The following HRH2 variants were observed in gnomAD, a reference collection of about 807,000 sequenced individuals.
HRH2 encodes histamine H2 receptor.
Under a neutral mutation model 20.1 loss-of-function variants are expected in HRH2, and 4 were observed. The observed-to-expected ratio is 0.20, with a 90% CI of 0.10 to 0.45. HRH2 has a LOEUF of 0.45. Among genes scored for constraint, HRH2 ranks in the 20% least tolerant of loss-of-function variants. The pLI, the probability that HRH2 is intolerant of heterozygous loss-of-function variation, is 0.99. For synonymous variants in HRH2, 197 were observed against 200.7 expected (o/e 0.98, Z 0.16); for missense variants, 250 against 461.6 (o/e 0.54, Z 4.20).
At position 175,686,533 on chromosome 5, in the gene HRH2, C is replaced by A. The variant is rs1168951462; in HGVS notation, c.1076+2224C>A. Reference sequence around the variant, plus strand: ...TAGAGCATCTTCCACCCTGTGCCACCCTCGGCCACCTGCAATTGCTCATGG... The same window carrying A: ...TAGAGCATCTTCCACCCTGTGCCACACTCGGCCACCTGCAATTGCTCATGG... On this transcript the variant is annotated intron_variant, in intron 2 of 2. Transcript: ENST00000636584. The surrounding 1 kb of genome is among the most constrained non-coding windows in gnomAD (Gnocchi z 4.7). Among the ~76,000 whole-genome samples, 1 of 152,198 alleles carries A rather than the reference C, an allele frequency of 6.6e-6. No individual in the cohort carries two copies. Among genetic ancestry groups the A allele is most frequent in the Non-Finnish European group, 1.5e-5 (1 of 68,028 alleles).
intron 1 of HRH2, among the ~76,000 whole-genome samples, chr5:175,668,853 G>A (rs1454419752): frequency 1.3e-5 from 2 of 152,154 alleles, no homozygotes; most frequent in Non-Finnish European, 2.9e-5. Context: ...GGAGAAGCAG[G>A]GGAGAGGGGA....
chr5:175,673,744 C>A (rs1489895166), intron 1 of HRH2, among the ~76,000 whole-genome samples: 1 of 149,454 alleles, frequency 6.7e-6, no homozygotes, highest in Non-Finnish European at 1.5e-5. Flanking sequence ...CGCTGTATCA[C>A]CCAGGCTGGA....
At chr5:175,688,613 C>T (rs1756258325) in intron 2 of HRH2, among the ~76,000 whole-genome samples, 1 of 152,254 alleles carries the variant, frequency 6.6e-6, no homozygotes, top group African/African-American at 2.4e-5. Context: ...GGCCGCCAGC[C>T]TTAATGAGTG....
At chr5:175,699,562 G>T (rs1756725004) in intron 2 of HRH2, among the ~76,000 whole-genome samples, 1 of 151,904 alleles carries the variant, frequency 6.6e-6, no homozygotes, top group African/African-American at 2.4e-5. Flanking sequence ...TCTGCTGTCG[G>T]TTGTTTTTGT....
intron 2 of HRH2, among the ~76,000 whole-genome samples, chr5:175,690,716 C>G (rs1756340817): frequency 6.6e-6 from 1 of 152,028 alleles, no homozygotes; most frequent in Non-Finnish European, 1.5e-5. Flanking sequence ...TTTCATCGCC[C>G]CCCAAAAGAA....
intron 1 of HRH2, among the ~76,000 whole-genome samples, chr5:175,674,473 T>TG (rs908643112): frequency 9.9e-5 from 15 of 152,132 alleles, no homozygotes; most frequent in African/African-American, 3.4e-4. Flanking sequence ...GCCTAGGGGA[T>TG]GACACTCATC....
At chr5:175,672,990 G>A (rs2517949) in intron 1 of HRH2, among the ~76,000 whole-genome samples, 33,072 of 151,974 alleles carry the variant, frequency 0.22, 4,902 homozygotes, top group Non-Finnish European at 0.33. Context: ...CACCCACTGA[G>A]GCCTCGGGTG....
intron 2 of HRH2, 135 bp from the exon 3 acceptor site, chr5:175,707,644 T>TCCCCCCCCCAGCC: frequency 6.6e-6 from 1 of 150,942 alleles, no homozygotes. Flanking sequence ...AAAGGGCGGT[T>TCCCCCCCCCAGCC]CCCCTCCCCT....
chr5:175,664,660 T>A (rs1762835151), intron 1 of HRH2, among the ~76,000 whole-genome samples: 1 of 151,298 alleles, frequency 6.6e-6, no homozygotes, highest in Non-Finnish European at 1.5e-5. Context: ...ACGGCAGGAT[T>A]TTTTTTTTCT....
chr5:175,704,986 G>T (rs1398450270), intron 2 of HRH2, among the ~76,000 whole-genome samples: 1 of 151,738 alleles, frequency 6.6e-6, no homozygotes, highest in Non-Finnish European at 1.5e-5. Flanking sequence ...ATAGAGAATT[G>T]GACTCCATAT....
At chr5:175,685,679 A>C (rs1022801650) in intron 2 of HRH2, 2 of 621,204 alleles carry the variant, frequency 3.2e-6, no homozygotes, top group Non-Finnish European at 5.8e-6. Context: ...TCCTCATCGC[A>C]TAGAGAGTTG....
At position 175,687,088 on chromosome 5, in the gene HRH2, G is replaced by A. The variant is rs1404789321; in HGVS notation, c.1076+2779G>A. On this transcript the variant is annotated intron_variant, in intron 2 of 2. Coordinates refer to ENST00000636584, the MANE Select transcript of HRH2 (RefSeq NM_001367711.1). This position sits in a 1 kb window ranked among gnomAD's most constrained non-coding sequence, Gnocchi z 5.2. ...CAGAGCCCATGCTCCTGGAGATCACGGCTATGGTCTGTCCTCCAGCCCCCA... is the reference window on the plus strand; with the variant it reads ...CAGAGCCCATGCTCCTGGAGATCACAGCTATGGTCTGTCCTCCAGCCCCCA... 1.3e-5 allele frequency among the ~76,000 whole-genome samples: 2 copies of A among 152,170 alleles called. No individual in the cohort carries two copies. Among genetic ancestry groups the A allele is most frequent in the Non-Finnish European group, 2.9e-5 (2 of 68,030 alleles).
intron 1 of HRH2, among the ~76,000 whole-genome samples, chr5:175,663,476 G>T (rs1407559200): frequency 1.3e-5 from 2 of 152,188 alleles, no homozygotes; most frequent in African/African-American, 2.4e-5. Context: ...TGTCTATTCA[G>T]ATCAGAGTCA....
At chr5:175,689,274 C>T (rs951174447) in intron 2 of HRH2, among the ~76,000 whole-genome samples, 2 of 151,946 alleles carry the variant, frequency 1.3e-5, no homozygotes, top group Non-Finnish European at 2.9e-5. Context: ...CCCCCCTCAG[C>T]CCACATGGTG....
chr5:175,667,662 T>C (rs570988237), intron 1 of HRH2, among the ~76,000 whole-genome samples: 6 of 152,152 alleles, frequency 3.9e-5, no homozygotes, highest in African/African-American at 7.2e-5. Flanking sequence ...AATCCTGCTA[T>C]TTTTTGACTT....
chr5:175,682,805 G>A lies in HRH2; in HGVS notation c.-429G>A, dbSNP rs544292719. ...ACCAGCTATGGAGAGGGATACAGCT[G>A]CGTCTCCACATGACCCATCCTGCAT... is the stretch of plus-strand genomic sequence containing the variant. On this transcript the variant is annotated 5_prime_UTR_variant, in exon 2 of 3. Transcript: ENST00000636584. The A allele has an allele frequency of 5.7e-6, 1 of 176,966 alleles. No homozygotes were observed. Among genetic ancestry groups the A allele is most frequent in the African/African-American group, 2.4e-5 (1 of 41,970 alleles). The allele number at this position is 176,966 out of a possible 1,614,324, so 11.0% of individuals were successfully genotyped here. A position where few individuals can be genotyped will look rare whatever the true frequency, so the allele number is the denominator to read the frequency against.
intron 1 of HRH2, among the ~76,000 whole-genome samples, chr5:175,662,009 G>A (rs1762751443): frequency 6.6e-6 from 1 of 151,152 alleles, no homozygotes; most frequent in African/African-American, 2.5e-5. Flanking sequence ...GTGACAGTGA[G>A]ACTCTGTCTC....
chr5:175,679,015 G>A (rs1755861679), intron 1 of HRH2, among the ~76,000 whole-genome samples: 1 of 152,144 alleles, frequency 6.6e-6, no homozygotes, highest in Non-Finnish European at 1.5e-5. Flanking sequence ...CATTTCTTCT[G>A]GGGTTTCATG....
intron 1 of HRH2, among the ~76,000 whole-genome samples, chr5:175,665,240 G>A (rs747564528): frequency 2.6e-5 from 4 of 152,154 alleles, no homozygotes; most frequent in East Asian, 1.9e-4. Context: ...CCAGCCTCCC[G>A]GGGTTCCTGC....
Sources: allele counts gnomAD v4.1 joint callset (sites outside exome capture counted in the v4.1 genomes callset), GRCh38; gene constraint gnomAD v4.1.1; non-coding constraint Gnocchi (gnomAD v3.1); transcripts MANE v1.5; gene names NCBI Gene and HGNC (gene_info 2026-07-23, HGNC 2026-07-21).